SV2C: variants seen among roughly 807,000 people sequenced by gnomAD.
The protein encoded by SV2C is synaptic vesicle glycoprotein 2C.
A neutral mutation model predicts 79.7 loss-of-function variants in SV2C; 49 were observed. That is an observed-to-expected ratio of 0.61 (90% CI 0.49 to 0.78). The LOEUF is 0.78. Ranked by LOEUF, SV2C falls within the 30% of genes least tolerant of loss-of-function variation. The probability of loss-of-function intolerance (pLI) is 0.00; values close to 1 mark genes in which losing one functional copy is unlikely to be tolerated. For synonymous variants in SV2C, 334 were observed against 333.2 expected (o/e 1.00, Z -0.03); for missense variants, 833 against 912.9 (o/e 0.91, Z 1.13).
intron 3 of SV2C, among the ~76,000 whole-genome samples, chr5:76,208,378 A>G: frequency 6.6e-6 from 1 of 152,218 alleles, no homozygotes. Context: ...CCATAGATTG[A>G]AAAGCACCAG....
At chr5:76,116,593 C>T (rs767590) in intron 1 of SV2C, among the ~76,000 whole-genome samples, 40,102 of 151,998 alleles carry the variant, frequency 0.26, 5,959 homozygotes, top group East Asian at 0.47. Flanking sequence ...AGAGGCAGAA[C>T]TGACCACATT....
At chr5:75,937,596 C>T in the SV2C span, among the ~76,000 whole-genome samples, 1 of 152,098 alleles carries the variant, frequency 6.6e-6, no homozygotes, top group South Asian at 2.1e-4. Flanking sequence ...GTGGTCCCAG[C>T]TACTCAGAAG....
chr5:76,169,415 G>T (rs1421366046), intron 2 of SV2C, among the ~76,000 whole-genome samples: 1 of 152,148 alleles, frequency 6.6e-6, no homozygotes, highest in African/African-American at 2.4e-5. Flanking sequence ...TAGGGGGCAG[G>T]GTGGTGAAAA....
intron 12 of SV2C, among the ~76,000 whole-genome samples, chr5:76,304,268 C>T (rs1157958222): frequency 2.6e-5 from 4 of 152,224 alleles, no homozygotes; most frequent in East Asian, 3.9e-4. Context: ...TCCAGAGCAG[C>T]GTGACCATGG....
chr5:75,887,103 A>G, the SV2C span, among the ~76,000 whole-genome samples: 1 of 152,132 alleles, frequency 6.6e-6, no homozygotes, highest in Non-Finnish European at 1.5e-5. Flanking sequence ...AATTACATGT[A>G]TTTATGATGT....
At chr5:75,937,209 T>A in the SV2C span, among the ~76,000 whole-genome samples, 5 of 152,238 alleles carry the variant, frequency 3.3e-5, no homozygotes, top group Non-Finnish European at 7.3e-5. Flanking sequence ...ACATACCATA[T>A]GGAGCAAGCA....
the SV2C span, among the ~76,000 whole-genome samples, chr5:75,991,558 C>G: frequency 7.3e-6 from 1 of 137,634 alleles, no homozygotes; most frequent in Non-Finnish European, 1.5e-5. Context: ...CCAGCAGTTT[C>G]TTAGCAAGAT....
At chr5:75,863,578 C>T in the SV2C span, among the ~76,000 whole-genome samples, 1 of 152,168 alleles carries the variant, frequency 6.6e-6, no homozygotes, top group African/African-American at 2.4e-5. Flanking sequence ...GTTTTTCCTG[C>T]CTTGTGGCTT....
chr5:76,050,029 C>T, the SV2C span, among the ~76,000 whole-genome samples: 1 of 152,186 alleles, frequency 6.6e-6, no homozygotes, highest in Non-Finnish European at 1.5e-5. Flanking sequence ...CTTCTCCATG[C>T]TTTGAATTCC....
the SV2C span, among the ~76,000 whole-genome samples, chr5:75,950,591 C>T: frequency 2.6e-5 from 4 of 151,942 alleles, no homozygotes; most frequent in Non-Finnish European, 4.4e-5. Flanking sequence ...ATCTGGACTA[C>T]TTTTTATAGA....
chr5:75,894,421 A>C, the SV2C span, among the ~76,000 whole-genome samples: 1 of 152,048 alleles, frequency 6.6e-6, no homozygotes, highest in Non-Finnish European at 1.5e-5. Context: ...TGTTCTCTCT[A>C]GCTCTGTGGT....
At position 76,285,269 on chromosome 5, in the gene SV2C, C is replaced by A; in HGVS notation, c.1021C>A (p.Pro341Thr). ...CTCCGTGGTGGCCCTCACATTCATG[C>A]CTGAAAGCCCACGATTCTTGTTGGA... Reference protein sequence around the residue: ...VSSVVALTFMPESPRFLLEVG... With the variant: ...VSSVVALTFMTESPRFLLEVG... Residue 341 changes from proline to threonine, a missense_variant, in exon 5 of 13, where the codon CCT becomes ACT. Coordinates refer to ENST00000502798, the MANE Select transcript of SV2C (RefSeq NM_014979.4). 1 of 1,614,120 alleles carries A rather than the reference C, an allele frequency of 6.2e-7. No individual in the cohort carries two copies. Among genetic ancestry groups the A allele is most frequent in the South Asian group, 1.1e-5 (1 of 91,068 alleles).
the SV2C span, among the ~76,000 whole-genome samples, chr5:76,069,017 G>T: frequency 9.2e-5 from 14 of 152,314 alleles, no homozygotes; most frequent in East Asian, 2.5e-3. Flanking sequence ...AACAGCTCAG[G>T]TATGCAGCTC....
chr5:76,132,022 G>C lies in SV2C; in HGVS notation c.272G>C (p.Gly91Ala). The change falls in exon 2 of 13, where the codon GGG becomes GCG. Residue 91 changes from glycine to alanine, a missense_variant. By Grantham distance (60) the Gly-to-Ala change is moderately conservative. Coordinates refer to ENST00000502798, the MANE Select transcript of SV2C (RefSeq NM_014979.4). ...GATGAAGATGATGAGATCTATGAGG[G>C]GGAGTATCAGGGCATCCCCAGTATG... Reference protein sequence around the residue: ...GHDEDDEIYEGEYQGIPSMNQ... With the variant: ...GHDEDDEIYEAEYQGIPSMNQ... 6.2e-7 allele frequency: 1 copy of C among 1,612,868 alleles called. No homozygotes were observed. Among genetic ancestry groups the C allele is most frequent in the Non-Finnish European group, 8.5e-7 (1 of 1,179,400 alleles).
chr5:75,928,223 T>C, the SV2C span, among the ~76,000 whole-genome samples: 1 of 152,184 alleles, frequency 6.6e-6, no homozygotes, highest in Non-Finnish European at 1.5e-5. Flanking sequence ...AAACAGAAAC[T>C]TTGTATCCAT....
At chr5:76,228,050 ATCTCTCTC>A (rs143825160) in intron 4 of SV2C, among the ~76,000 whole-genome samples, 3 of 148,020 alleles carry the variant, frequency 2.0e-5, no homozygotes, top group African/African-American at 7.5e-5. Context: ...CTTTCTCTCT[ATCTCTCTC>A]TCTCTCTCTC....
At chr5:76,176,550 A>G (rs934143487) in intron 2 of SV2C, among the ~76,000 whole-genome samples, 2 of 152,140 alleles carry the variant, frequency 1.3e-5, no homozygotes, top group South Asian at 2.1e-4. Context: ...CTCTGCTTCA[A>G]TCCTGGTCCC....
chr5:75,872,005 T>C, the SV2C span, among the ~76,000 whole-genome samples: 118 of 147,332 alleles, frequency 8.0e-4, no homozygotes, highest in African/African-American at 2.8e-3. Context: ...ATATATATTA[T>C]TTATTTTATA....
intron 1 of SV2C, among the ~76,000 whole-genome samples, chr5:76,094,983 G>T (rs768537770): frequency 1.3e-5 from 2 of 151,518 alleles, no homozygotes; most frequent in Non-Finnish European, 1.5e-5. Context: ...TCCTTTCATG[G>T]ATCATGCTGT....
Sources: allele counts gnomAD v4.1 joint callset (sites outside exome capture counted in the v4.1 genomes callset), GRCh38; gene constraint gnomAD v4.1.1; transcripts MANE v1.5; gene names NCBI Gene and HGNC (gene_info 2026-07-23, HGNC 2026-07-21).